The following FRMD6 variants were observed in gnomAD, a reference collection of about 807,000 sequenced individuals.
The protein encoded by FRMD6 is FERM domain containing 6, also known as FERM domain-containing protein 6.
A neutral mutation model predicts 73.2 loss-of-function variants in FRMD6; 37 were observed. The observed-to-expected ratio is 0.51, with a 90% confidence interval of 0.39 to 0.66. The LOEUF is 0.66. Among genes scored for constraint, FRMD6 ranks in the 30% least tolerant of loss-of-function variants. The pLI, the probability that FRMD6 is intolerant of heterozygous loss-of-function variation, is 0.00. For missense variants in FRMD6, 714 were observed against 780.5 expected (o/e 0.91, Z 1.02); for synonymous variants, 273 against 282.2 (o/e 0.97, Z 0.33).
At chr14:51,514,027 T>C (rs977684269) in intron 1 of FRMD6, among the ~76,000 whole-genome samples, 4 of 152,220 alleles carry the variant, frequency 2.6e-5, no homozygotes, top group African/African-American at 4.8e-5. Flanking sequence ...AATCAGATTA[T>C]GTATGTTAAG....
intron 2 of FRMD6, among the ~76,000 whole-genome samples, chr14:51,594,944 T>C (rs1339777629): frequency 6.6e-6 from 1 of 152,182 alleles, no homozygotes; most frequent in Non-Finnish European, 1.5e-5. Flanking sequence ...AGATGGTGCC[T>C]TCAGGAAAAT....
chr14:51,710,948 T>C (rs1896909662), intron 7 of FRMD6, among the ~76,000 whole-genome samples: 1 of 152,144 alleles, frequency 6.6e-6, no homozygotes. Flanking sequence ...TTGAACTTCT[T>C]AAAAATAAGT....
At chr14:51,526,076 C>T (rs1292328729) in intron 1 of FRMD6, among the ~76,000 whole-genome samples, 1 of 152,142 alleles carries the variant, frequency 6.6e-6, no homozygotes, top group Non-Finnish European at 1.5e-5. Context: ...GAGTAGTAAG[C>T]CATAAATTGA....
At chr14:51,513,520 G>A (rs1201636146) in intron 1 of FRMD6, among the ~76,000 whole-genome samples, 1 of 152,168 alleles carries the variant, frequency 6.6e-6, no homozygotes, top group Non-Finnish European at 1.5e-5. Context: ...TGGCTTTACA[G>A]TTCAAAGTCT....
At chr14:51,488,799 C>T (rs747706099), upstream of FRMD6, among the ~76,000 whole-genome samples, 58 of 152,318 alleles carry the variant, frequency 3.8e-4, no homozygotes, top group Non-Finnish European at 7.3e-4. Context: ...TCTATTTGAA[C>T]GAAGTTCGAT....
At chr14:51,457,863 G>T in the FRMD6 span, among the ~76,000 whole-genome samples, 1 of 152,192 alleles carries the variant, frequency 6.6e-6, no homozygotes, top group Admixed American at 6.5e-5. Flanking sequence ...CCTATTGCAT[G>T]AATGCCTTAA....
At chr14:51,638,276 T>A (rs145011676) in intron 2 of FRMD6, among the ~76,000 whole-genome samples, 4 of 151,996 alleles carry the variant, frequency 2.6e-5, no homozygotes, top group African/African-American at 9.6e-5. Context: ...AGCAAGACCT[T>A]GTCTTAAAAA....
intron 1 of FRMD6, among the ~76,000 whole-genome samples, chr14:51,679,555 C>CTTTTTTTTTTT (rs61250963): frequency 1.8e-4 from 22 of 120,560 alleles, no homozygotes; most frequent in African/African-American, 3.0e-4. Context: ...CATTTGTTTT[C>CTTTTTTTTTTT]TTTTTTTTTT....
At chr14:51,419,910 T>C in the FRMD6 span, among the ~76,000 whole-genome samples, 5 of 149,620 alleles carry the variant, frequency 3.3e-5, no homozygotes, top group East Asian at 9.7e-4. Context: ...CTGCCCTTGT[T>C]AGGTGTGGTC....
the FRMD6 span, among the ~76,000 whole-genome samples, chr14:51,481,182 A>C: frequency 1.3e-5 from 2 of 152,202 alleles, no homozygotes; most frequent in African/African-American, 4.8e-5. Flanking sequence ...TAAGAGTGAA[A>C]ATATGAGGTA....
At chr14:51,708,817 A>G (rs1030967141) in intron 7 of FRMD6, among the ~76,000 whole-genome samples, 1 of 152,204 alleles carries the variant, frequency 6.6e-6, no homozygotes, top group African/African-American at 2.4e-5. Flanking sequence ...TCACAAAACT[A>G]AATGGCAAAG....
At chr14:51,438,808 C>T in the FRMD6 span, among the ~76,000 whole-genome samples, 12 of 152,176 alleles carry the variant, frequency 7.9e-5, no homozygotes, top group Non-Finnish European at 8.8e-5. Context: ...CTGCCACTAC[C>T]ATCAAATAGA....
chr14:51,712,869 A>G (rs1203448323), intron 9 of FRMD6, among the ~76,000 whole-genome samples: 2 of 152,208 alleles, frequency 1.3e-5, no homozygotes, highest in Non-Finnish European at 2.9e-5. Context: ...TGCAGAAGGT[A>G]TTTCGCGTAG....
At chr14:51,445,991 A>C in the FRMD6 span, among the ~76,000 whole-genome samples, 1 of 152,192 alleles carries the variant, frequency 6.6e-6, no homozygotes, top group African/African-American at 2.4e-5. Context: ...ACAAATAAGG[A>C]GGCAGAAGCG....
chr14:51,550,703 T>G (rs1206930180), intron 1 of FRMD6, among the ~76,000 whole-genome samples: 2 of 152,166 alleles, frequency 1.3e-5, no homozygotes, highest in Non-Finnish European at 2.9e-5. Context: ...AACCTTGATT[T>G]GAACTGTAAC....
chr14:51,563,252 C>T (rs1231314664), intron 1 of FRMD6, among the ~76,000 whole-genome samples: 1 of 146,170 alleles, frequency 6.8e-6, no homozygotes, highest in Non-Finnish European at 1.5e-5. Flanking sequence ...AGTCCAGATT[C>T]AAGGGGCAGA....
intron 1 of FRMD6, among the ~76,000 whole-genome samples, chr14:51,659,328 T>C (rs1381879199): frequency 6.6e-6 from 1 of 152,282 alleles, no homozygotes; most frequent in Non-Finnish European, 1.5e-5. Flanking sequence ...TCTTACGTGA[T>C]GTTAGCTATT....
intron 1 of FRMD6, among the ~76,000 whole-genome samples, chr14:51,661,439 T>G (rs966838265): frequency 2.6e-5 from 4 of 152,214 alleles, no homozygotes; most frequent in African/African-American, 7.2e-5. Context: ...ACTCTATTGA[T>G]CTACACAATG....
intron 1 of FRMD6, chr14:51,522,834 T>C (rs1438799403): frequency 6.6e-6 from 1 of 152,158 alleles, no homozygotes; most frequent in Non-Finnish European, 1.5e-5. Flanking sequence ...ACATTGAAAA[T>C]GCAAGACATA....
Sources: allele counts gnomAD v4.1 joint callset (sites outside exome capture counted in the v4.1 genomes callset), GRCh38; gene constraint gnomAD v4.1.1; transcripts MANE v1.5; gene names NCBI Gene and HGNC (gene_info 2026-07-23, HGNC 2026-07-21).